Variants in COL24A1 observed in about 807,000 individuals in gnomAD.
The protein encoded by COL24A1 is collagen alpha-1(XXIV) chain.
In COL24A1, 224 loss-of-function variants were observed where a neutral mutation model predicts 253.9. The ratio of observed to expected loss-of-function variants is 0.88; its 90% CI spans 0.79 to 0.99. The LOEUF (loss-of-function observed/expected upper bound fraction) is 0.99. COL24A1 is among the 50% of genes least tolerant of loss of function. COL24A1 has a pLI of 0.00. For synonymous variants in COL24A1, 685 were observed against 673.7 expected (o/e 1.02, Z -0.26); for missense variants, 2,131 against 2,068.5 (o/e 1.03, Z -0.59).
intron 24 of COL24A1, among the ~76,000 whole-genome samples, chr1:85,955,053 A>T (rs1690296864): frequency 1.3e-5 from 2 of 152,194 alleles, no homozygotes; most frequent in South Asian, 4.1e-4. Context: ...GCCTGTGCCT[A>T]GGATGGCCCA....
At position 86,089,247 on chromosome 1, in the gene COL24A1, G is replaced by T. The variant is rs148483380; in HGVS notation, c.1654-20C>A. On this transcript the variant is annotated intron_variant, in intron 6 of 59. Coordinates refer to ENST00000370571, the MANE Select transcript of COL24A1 (RefSeq NM_152890.7). The stretch of plus-strand genomic sequence containing the variant: ...ATCACCCTATAAACAAAATACAGAC[G>T]TTTAATGTCATGAAAGAGAACTGAA... 3.9e-6 allele frequency: 6 copies of T among 1,552,468 alleles called. No individual in the cohort carries two copies. The highest frequency in any genetic ancestry group is 1.2e-5 in the South Asian group (1 of 81,588).
At position 85,911,284 on chromosome 1, in the gene COL24A1, T is replaced by C. The variant is rs913519192; in HGVS notation, c.2616+96A>G. On this transcript the variant is annotated intron_variant, in intron 25 of 59. Transcript: ENST00000370571. Reference sequence around the variant, plus strand: ...ATAGGTAATGTGCTAAAGTTATAAGTGATTTCTAATTAACATAAAAGATCA... The same window carrying C: ...ATAGGTAATGTGCTAAAGTTATAAGCGATTTCTAATTAACATAAAAGATCA... 4.3e-6 allele frequency: 4 copies of C among 934,468 alleles called. No homozygotes were observed. In the African/African-American group the frequency reaches 5.0e-5, roughly 12 times the overall value. 57.9% of individuals were successfully genotyped at this position (934,468 alleles called of 1,614,324 possible).
chr1:85,763,481 T>C (rs1667036576), intron 53 of COL24A1, among the ~76,000 whole-genome samples: 2 of 143,224 alleles, frequency 1.4e-5, no homozygotes, highest in African/African-American at 5.0e-5. Context: ...CTGTTAATTT[T>C]CTTTTACTTT....
At chr1:85,866,821 T>G (rs1476750827) in intron 37 of COL24A1, among the ~76,000 whole-genome samples, 1 of 151,992 alleles carries the variant, frequency 6.6e-6, no homozygotes, top group African/African-American at 2.4e-5. Flanking sequence ...CCTAAGTACT[T>G]TGTATTTGCT....
At chr1:85,828,766 C>G (rs1393780790) in intron 43 of COL24A1, among the ~76,000 whole-genome samples, 1 of 129,724 alleles carries the variant, frequency 7.7e-6, no homozygotes, top group Non-Finnish European at 1.7e-5. Context: ...TTTTGTTTTC[C>G]ATTTGCTTGG....
In COL24A1 at chr1:85,870,436, CAT is replaced by C. The variant is rs560840939; in HGVS notation, c.3139-1603_3139-1602del. On this transcript the variant is annotated intron_variant, in intron 35 of 59. Transcript: ENST00000370571. ...ATCACACTTATTCCAAAATTGACCA[CAT>C]AGTTGGAAGTAAAGCACTCCTCAGC... is the stretch of plus-strand genomic sequence containing the variant. Among the ~76,000 whole-genome samples, 62 of 152,278 alleles carry C rather than the reference CAT, an allele frequency of 4.1e-4. 1 individual carries two copies. In the South Asian group the frequency reaches 8.9e-3, roughly 22 times the overall value.
At chr1:85,795,689 C>T (rs1053641279) in intron 47 of COL24A1, among the ~76,000 whole-genome samples, 1 of 151,864 alleles carries the variant, frequency 6.6e-6, no homozygotes, top group African/African-American at 2.4e-5. Flanking sequence ...GTGTACAGAG[C>T]ATTATGTTTA....
Position 85,908,636 on chromosome 1 carries a change from GA to G in COL24A1, c.2685del (p.Pro896LeufsTer40). 1 of 1,443,876 alleles carries G rather than the reference GA, an allele frequency of 6.9e-7. No individual in the cohort carries two copies. The highest frequency in any genetic ancestry group is 9.3e-7 in the Non-Finnish European group (1 of 1,079,704). The allele number at this position is 1,443,876 out of a possible 1,614,324, so 89.4% of individuals were successfully genotyped here. A position where few individuals can be genotyped will look rare whatever the true frequency, so the allele number is the denominator to read the frequency against. On this transcript the variant is annotated frameshift_variant, in exon 27 of 60. Coordinates refer to ENST00000370571, the MANE Select transcript of COL24A1 (RefSeq NM_152890.7). LOFTEE classifies it high-confidence loss of function. ...GEKGVMGYPG[P>X]PGVPGPIGPL... The stretch of plus-strand genomic sequence containing the variant: ...GGACCGATAGGTCCTGGAACCCCAG[GA>G]GGACCTGGATATCCCTATAATTTAA...
intron 20 of COL24A1, among the ~76,000 whole-genome samples, chr1:85,976,889 T>G (rs1366822528): frequency 6.6e-6 from 1 of 152,238 alleles, no homozygotes; most frequent in East Asian, 1.9e-4. Flanking sequence ...GTCCTGAGTC[T>G]GTTCACTGCT....
intron 32 of COL24A1, among the ~76,000 whole-genome samples, chr1:85,884,149 G>C (rs1682198816): frequency 6.6e-6 from 1 of 151,884 alleles, no homozygotes; most frequent in Non-Finnish European, 1.5e-5. Context: ...CTTTCACTTT[G>C]AAATTCCCAG....
chr1:86,097,730 A>G (rs1460255815), intron 5 of COL24A1, among the ~76,000 whole-genome samples: 1 of 150,302 alleles, frequency 6.7e-6, no homozygotes, highest in Non-Finnish European at 1.5e-5. Flanking sequence ...AGTACCCCCC[A>G]TAAGGCTTAG....
intron 53 of COL24A1, among the ~76,000 whole-genome samples, chr1:85,766,229 G>A (rs1181665958): frequency 6.6e-6 from 1 of 151,800 alleles, no homozygotes; most frequent in Admixed American, 6.6e-5. Context: ...AATTAGCTGG[G>A]TGTGGTGCTG....
intron 47 of COL24A1, among the ~76,000 whole-genome samples, chr1:85,802,619 A>G (rs1671553356): frequency 6.6e-6 from 1 of 152,184 alleles, no homozygotes; most frequent in Non-Finnish European, 1.5e-5. Flanking sequence ...TTCAAAGTAT[A>G]TAATTTGATA....
At chr1:86,054,927 G>T (rs985109930) in intron 10 of COL24A1, among the ~76,000 whole-genome samples, 4 of 152,152 alleles carry the variant, frequency 2.6e-5, no homozygotes, top group Admixed American at 6.5e-5. Flanking sequence ...TGAAGAAAAT[G>T]TGGTACATAT....
chr1:85,953,552 C>T (rs996848337), intron 24 of COL24A1, among the ~76,000 whole-genome samples: 1 of 152,162 alleles, frequency 6.6e-6, no homozygotes, highest in African/African-American at 2.4e-5. Context: ...CTCTAGCACA[C>T]ATTAAGTGTT....
chr1:85,828,002 A>T (rs998658954), intron 43 of COL24A1, among the ~76,000 whole-genome samples: 3 of 151,764 alleles, frequency 2.0e-5, no homozygotes, highest in Admixed American at 6.6e-5. Context: ...TAGTTCTTTT[A>T]ATTGTGATGT....
rs765025597 is a variant in COL24A1, at chr1:85,868,797, T to A, written c.3177A>T (p.Gly1059=). ...TATAATTTACCTTTAACCCATCTTT[T>A]CCCTGGAGACCTTCTTCTCCAGGAG... ...PGAPGEEGLQ[G]KDGLKGVPGG... is the part of the protein sequence containing the mutation. Residue 1059 remains glycine (G), a synonymous_variant, in exon 36 of 60, where the codon GGA becomes GGT. Coordinates refer to ENST00000370571, the MANE Select transcript of COL24A1 (RefSeq NM_152890.7). 64 of 1,585,860 alleles carry A rather than the reference T, an allele frequency of 4.0e-5. No individual in the cohort carries two copies. Among genetic ancestry groups the A allele is most frequent in the Admixed American group, 1.8e-5 (1 of 56,954 alleles).
At chr1:85,863,627 G>A (rs1679425581) in intron 37 of COL24A1, among the ~76,000 whole-genome samples, 1 of 152,088 alleles carries the variant, frequency 6.6e-6, no homozygotes, top group East Asian at 1.9e-4. Flanking sequence ...CTATAGAATG[G>A]GAGAAAATTT....
At chr1:85,903,020 AC>A (rs1684474434) in intron 28 of COL24A1, among the ~76,000 whole-genome samples, 1 of 152,032 alleles carries the variant, frequency 6.6e-6, no homozygotes, top group East Asian at 1.9e-4. Context: ...TATCACACCC[AC>A]CCCATAAATA....
Sources: allele counts gnomAD v4.1 joint callset (sites outside exome capture counted in the v4.1 genomes callset), GRCh38; gene constraint gnomAD v4.1.1; transcripts MANE v1.5; gene names NCBI Gene and HGNC (gene_info 2026-07-23, HGNC 2026-07-21).